TAFA2: variants seen among roughly 807,000 people sequenced by gnomAD.
TAFA2 encodes chemokine-like protein TAFA-2.
TAFA2 carries 7 observed loss-of-function variants against 18.8 expected under a neutral mutation model. That is an observed-to-expected ratio of 0.37 (90% CI 0.21 to 0.70). The LOEUF is 0.70. TAFA2 is among the 30% of genes least tolerant of loss of function. TAFA2 has a pLI of 0.53. For synonymous variants in TAFA2, 60 were observed against 54.2 expected, an observed-to-expected ratio of 1.11 and a Z score of -0.47; for missense variants, 122 against 158.1, an observed-to-expected ratio of 0.77 and a Z score of 1.23.
chr12:62,200,886 T>C (rs1229806816), intron 1 of TAFA2, among the ~76,000 whole-genome samples: 3 of 152,198 alleles, frequency 2.0e-5, no homozygotes, highest in Non-Finnish European at 4.4e-5. Flanking sequence ...ATAGAATGTT[T>C]TTCCATTTGT....
At chr12:62,119,296 T>A (rs58430873) in intron 1 of TAFA2, among the ~76,000 whole-genome samples, 1 of 152,002 alleles carries the variant, frequency 6.6e-6, no homozygotes. Flanking sequence ...TGAAAAAAAA[T>A]TTGCATAGTA....
Position 61,955,921 on chromosome 12 carries a change from G to A in TAFA2, c.-1-88495C>T, listed in dbSNP as rs143154442. On this transcript the variant is annotated intron_variant, in intron 1 of 4. Coordinates refer to ENST00000416284, the MANE Select transcript of TAFA2 (RefSeq NM_178539.5). ...TAATGTCTCAAGTGTTATAATCTTA[G>A]CGATTTTAAAACAAATATCTCAATG... 5.5e-3 allele frequency among the ~76,000 whole-genome samples: 828 copies of A among 151,672 alleles called. 5 individuals are homozygous for A. Among genetic ancestry groups the A allele is most frequent in the Middle Eastern group, 0.017 (5 of 292 alleles).
chr12:61,740,478 T>TAA (rs796383203), intron 4 of TAFA2, among the ~76,000 whole-genome samples: 2 of 138,798 alleles, frequency 1.4e-5, no homozygotes, highest in African/African-American at 5.2e-5. Context: ...ACTTAAAGTC[T>TAA]AAAAAAAAAA....
At chr12:62,122,797 C>A (rs1043458757) in intron 1 of TAFA2, among the ~76,000 whole-genome samples, 2 of 152,186 alleles carry the variant, frequency 1.3e-5, no homozygotes, top group African/African-American at 4.8e-5. Context: ...ACCATTCACA[C>A]TGGCTTGGTG....
chr12:61,764,230 T>TGATAGATAGATAGATAGATAGATA lies in TAFA2; in HGVS notation c.107-9230_107-9207dup, dbSNP rs140276194. Among the ~76,000 whole-genome samples, 850 of 150,142 alleles carry TGATAGATAGATAGATAGATAGATA rather than the reference T, an allele frequency of 5.7e-3. 4 individuals are homozygous for TGATAGATAGATAGATAGATAGATA. Among genetic ancestry groups the TGATAGATAGATAGATAGATAGATA allele is most frequent in the Admixed American group, 7.5e-3 (112 of 14,982 alleles). ...GTCCATTTTAGATTAGATGATTGAT[T>TGATAGATAGATAGATAGATAGATA]GATAGATAGATAGATAGATAGATAG... On this transcript the variant is annotated intron_variant, in intron 2 of 4. Coordinates refer to ENST00000416284, the MANE Select transcript of TAFA2 (RefSeq NM_178539.5).
chr12:61,897,754 A>T (rs904544463), intron 1 of TAFA2, among the ~76,000 whole-genome samples: 2 of 151,972 alleles, frequency 1.3e-5, no homozygotes, highest in African/African-American at 2.4e-5. Flanking sequence ...AAACCATAGC[A>T]TACTGCCCCT....
At chr12:61,895,151 G>A (rs1459004158) in intron 1 of TAFA2, among the ~76,000 whole-genome samples, 2 of 152,124 alleles carry the variant, frequency 1.3e-5, no homozygotes, top group South Asian at 2.1e-4. Flanking sequence ...ATAGAAGCAC[G>A]GATGGATGTA....
chr12:61,894,209 T>C (rs996835904), intron 1 of TAFA2, among the ~76,000 whole-genome samples: 1 of 152,232 alleles, frequency 6.6e-6, no homozygotes, highest in African/African-American at 2.4e-5. Flanking sequence ...AACACCAAAG[T>C]TGAGGTTTTT....
At chr12:62,086,110 A>T (rs1006409539) in intron 1 of TAFA2, among the ~76,000 whole-genome samples, 9 of 152,180 alleles carry the variant, frequency 5.9e-5, no homozygotes, top group African/African-American at 2.2e-4. Context: ...TTCTTTACAA[A>T]TTACCCAGTC....
chr12:62,134,326 T>C (rs773156005), intron 1 of TAFA2, among the ~76,000 whole-genome samples: 24 of 151,908 alleles, frequency 1.6e-4, no homozygotes, highest in Non-Finnish European at 2.6e-4. Flanking sequence ...GAGCACACGA[T>C]GAGATTAGTG....
At chr12:62,104,276 C>CA (rs66467365) in intron 1 of TAFA2, among the ~76,000 whole-genome samples, 3 of 145,908 alleles carry the variant, frequency 2.1e-5, no homozygotes, top group Non-Finnish European at 3.0e-5. Flanking sequence ...TCTTCTGAAG[C>CA]AAAAAAAAAA....
At chr12:61,808,529 T>G (rs1871724608) in intron 2 of TAFA2, among the ~76,000 whole-genome samples, 1 of 151,356 alleles carries the variant, frequency 6.6e-6, no homozygotes, top group Non-Finnish European at 1.5e-5. Flanking sequence ...CCTTAAAATA[T>G]GATTAGGATT....
intron 2 of TAFA2, among the ~76,000 whole-genome samples, chr12:61,842,730 A>G (rs140062397): frequency 2.0e-3 from 310 of 152,242 alleles, no homozygotes; most frequent in African/African-American, 6.7e-3. Flanking sequence ...TGAAAAATAC[A>G]AAAGAGTAAC....
At chr12:61,890,586 G>A (rs1875586776) in intron 1 of TAFA2, among the ~76,000 whole-genome samples, 1 of 152,216 alleles carries the variant, frequency 6.6e-6, no homozygotes, top group South Asian at 2.1e-4. Flanking sequence ...CAGAGGGAGG[G>A]AGGTCTTAAT....
intron 1 of TAFA2, among the ~76,000 whole-genome samples, chr12:61,980,772 G>A (rs906015156): frequency 6.6e-6 from 1 of 152,118 alleles, no homozygotes; most frequent in Non-Finnish European, 1.5e-5. Context: ...ACCTCTTCAA[G>A]GAGAACTACA....
At chr12:61,808,825 A>G (rs1001109910) in intron 2 of TAFA2, among the ~76,000 whole-genome samples, 1 of 151,498 alleles carries the variant, frequency 6.6e-6, no homozygotes, top group African/African-American at 2.5e-5. Flanking sequence ...CGGAATCAGC[A>G]AATGTTTATT....
At chr12:62,048,137 T>C (rs1294447359) in intron 1 of TAFA2, among the ~76,000 whole-genome samples, 1 of 152,222 alleles carries the variant, frequency 6.6e-6, no homozygotes, top group Admixed American at 6.5e-5. Flanking sequence ...ATTAGTCTGT[T>C]TTCACACTGC....
intron 1 of TAFA2, among the ~76,000 whole-genome samples, chr12:61,982,959 T>C (rs573029715): frequency 1.3e-5 from 2 of 151,974 alleles, no homozygotes; most frequent in South Asian, 4.2e-4. Context: ...TTAATTCCCT[T>C]CTTCATCCCA....
intron 1 of TAFA2, among the ~76,000 whole-genome samples, chr12:61,984,153 CA>C (rs1879737394): frequency 6.6e-6 from 1 of 152,208 alleles, no homozygotes; most frequent in African/African-American, 2.4e-5. Context: ...ACACTAAAAG[CA>C]AGGATTTTGT....
Sources: gnomAD v4.1 joint callset for allele counts (sites outside exome capture counted in the v4.1 genomes callset) on GRCh38, gnomAD v4.1.1 for gene constraint, MANE v1.5 for transcripts, NCBI Gene and HGNC (gene_info 2026-07-23, HGNC 2026-07-21) for gene names.